ARPC1A: variants seen among roughly 807,000 people sequenced by gnomAD.
ARPC1A encodes the protein actin related protein 2/3 complex subunit 1A, also known as actin-related protein 2/3 complex subunit 1A.
In ARPC1A, 8 loss-of-function variants were observed where a neutral mutation model predicts 46.9. The ratio of observed to expected loss-of-function variants is 0.17; its 90% CI spans 0.10 to 0.31. ARPC1A has a LOEUF of 0.31. Among genes scored for constraint, ARPC1A ranks in the 10% least tolerant of loss-of-function variants. The pLI is 1.00. For missense variants in ARPC1A, 286 were observed against 483.6 expected, an observed-to-expected ratio of 0.59 and a Z score of 3.83; for synonymous variants, 152 against 169.0, an observed-to-expected ratio of 0.90 and a Z score of 0.78.
chr7:99,335,454 AC>A, intron 2 of ARPC1A: 1 of 436,068 alleles, frequency 2.3e-6, no homozygotes, highest in South Asian at 1.6e-5. Context: ...TAATTTCAGG[AC>A]CAGTCTGTCT....
At chr7:99,345,842 GATT>G (rs1170257194) in intron 4 of ARPC1A, among the ~76,000 whole-genome samples, 2 of 152,010 alleles carry the variant, frequency 1.3e-5, no homozygotes, top group Non-Finnish European at 2.9e-5. Flanking sequence ...GAAAGAAGGG[GATT>G]ATCATGTTAC....
At chr7:99,331,436 A>G (rs1793142445) in intron 1 of ARPC1A, among the ~76,000 whole-genome samples, 1 of 151,960 alleles carries the variant, frequency 6.6e-6, no homozygotes, top group Non-Finnish European at 1.5e-5. Context: ...GTTACAGAAG[A>G]CATCATGATA....
chr7:99,353,253 G>T (rs1386893102), intron 5 of ARPC1A, among the ~76,000 whole-genome samples: 8 of 151,658 alleles, frequency 5.3e-5, no homozygotes, highest in African/African-American at 1.9e-4. Context: ...GTGCCTCCTG[G>T]GTTCACGCCA....
At chr7:99,365,426 T>C (rs975977969) in intron 9 of ARPC1A, among the ~76,000 whole-genome samples, 2 of 151,962 alleles carry the variant, frequency 1.3e-5, no homozygotes, top group African/African-American at 4.8e-5. Flanking sequence ...CACAGTGAGA[T>C]CCTGTCTCTA....
At chr7:99,330,301 C>G (rs947610303) in intron 1 of ARPC1A, among the ~76,000 whole-genome samples, 1 of 151,796 alleles carries the variant, frequency 6.6e-6, no homozygotes, top group Non-Finnish European at 1.5e-5. Flanking sequence ...TGGGTTCCCC[C>G]CCCCTTTTTG....
At chr7:99,360,807 G>A (rs946300925) in intron 8 of ARPC1A, among the ~76,000 whole-genome samples, 2 of 151,998 alleles carry the variant, frequency 1.3e-5, no homozygotes, top group African/African-American at 4.8e-5. Context: ...TTGGCATGGT[G>A]GTACACACCT....
chr7:99,342,220 A>G (rs1793367236), intron 3 of ARPC1A, among the ~76,000 whole-genome samples: 1 of 152,092 alleles, frequency 6.6e-6, no homozygotes, highest in Admixed American at 6.6e-5. Context: ...ATATTGTTTC[A>G]TATTTCAGTT....
intron 8 of ARPC1A, among the ~76,000 whole-genome samples, chr7:99,360,800 G>T (rs1793724840): frequency 6.6e-6 from 1 of 152,002 alleles, no homozygotes; most frequent in South Asian, 2.1e-4. Flanking sequence ...AATTAGCTTG[G>T]CATGGTGGTA....
At chr7:99,338,941 A>T (rs1316461437) in intron 3 of ARPC1A, among the ~76,000 whole-genome samples, 1 of 152,206 alleles carries the variant, frequency 6.6e-6, no homozygotes, top group Non-Finnish European at 1.5e-5. Flanking sequence ...AGTGTCTTCC[A>T]AAAGTTTCCT....
At chr7:99,344,175 C>A (rs1793400033) in intron 3 of ARPC1A, 118 bp from the exon 4 acceptor site, 2 of 854,130 alleles carry the variant, frequency 2.3e-6, no homozygotes, top group Admixed American at 2.3e-5. Flanking sequence ...AAGGATGTGC[C>A]TGGGAGGAAG....
At chr7:99,345,420 A>G (rs1793429408) in intron 4 of ARPC1A, among the ~76,000 whole-genome samples, 1 of 152,172 alleles carries the variant, frequency 6.6e-6, no homozygotes, top group South Asian at 2.1e-4. Context: ...AACTTATTTT[A>G]ACTACTCCTT....
At chr7:99,338,415 T>C in intron 3 of ARPC1A, 130 bp downstream of exon 3, 31 of 517,784 alleles carry the variant, frequency 6.0e-5, no homozygotes, top group Non-Finnish European at 8.2e-5. Context: ...AGAAGGAGTA[T>C]CACTCTTTCG....
intron 1 of ARPC1A, among the ~76,000 whole-genome samples, chr7:99,331,651 G>A (rs908279205): frequency 6.6e-6 from 1 of 152,000 alleles, no homozygotes; most frequent in Admixed American, 6.5e-5. Flanking sequence ...AGGCACAGTG[G>A]CTCACACCTG....
chr7:99,334,735 G>A (rs553774284), intron 2 of ARPC1A, among the ~76,000 whole-genome samples: 35 of 152,104 alleles, frequency 2.3e-4, no homozygotes, highest in Admixed American at 4.6e-4. Flanking sequence ...AAGCTGGAGT[G>A]CAGTGGTGCA....
At chr7:99,351,600 G>A (rs904909339) in intron 5 of ARPC1A, among the ~76,000 whole-genome samples, 4 of 152,168 alleles carry the variant, frequency 2.6e-5, no homozygotes, top group Non-Finnish European at 5.9e-5. Flanking sequence ...GGCCTTCTAA[G>A]ACTAAAGCAG....
intron 5 of ARPC1A, among the ~76,000 whole-genome samples, chr7:99,351,362 C>T (rs1404159925): frequency 2.6e-5 from 4 of 151,992 alleles, no homozygotes; most frequent in Admixed American, 6.6e-5. Context: ...TGCAGGCGTA[C>T]ACCACCATGC....
intron 3 of ARPC1A, 26 bp from the exon 4 acceptor site, chr7:99,344,267 G>A (rs1406240668): frequency 1.2e-6 from 2 of 1,610,980 alleles, no homozygotes; most frequent in East Asian, 4.5e-5. Flanking sequence ...ACTGGGCAAA[G>A]CAGATGACCC....
At chr7:99,354,189 A>C in intron 6 of ARPC1A, 68 bp downstream of exon 6, 1 of 1,546,942 alleles carries the variant, frequency 6.5e-7, no homozygotes, top group Non-Finnish European at 8.8e-7. Context: ...CTGAACCAGG[A>C]CTGCCCTTCC....
intron 4 of ARPC1A, among the ~76,000 whole-genome samples, chr7:99,348,481 T>C (rs1397430662): frequency 6.6e-6 from 1 of 152,058 alleles, no homozygotes; most frequent in African/African-American, 2.4e-5. Flanking sequence ...CTGAGGCCGG[T>C]AGATCACTTG....
Sources: allele counts gnomAD v4.1 joint callset (sites outside exome capture counted in the v4.1 genomes callset), GRCh38; gene constraint gnomAD v4.1.1; transcripts MANE v1.5; gene names NCBI Gene and HGNC (gene_info 2026-07-23, HGNC 2026-07-21).